Variants in SYNPR observed in about 807,000 individuals in gnomAD.
SYNPR encodes the protein synaptoporin.
SYNPR carries 23 observed loss-of-function variants against 32.9 expected under a neutral mutation model. The observed-to-expected ratio is 0.70, with a 90% CI of 0.50 to 0.99. The LOEUF (loss-of-function observed/expected upper bound fraction) is 0.99, where lower values mean the gene tolerates loss of function less well. Ranked by LOEUF, SYNPR falls within the 50% of genes least tolerant of loss-of-function variation. SYNPR has a pLI of 0.00. For missense variants in SYNPR, 318 were observed against 349.3 expected (o/e 0.91, Z 0.71); for synonymous variants, 146 against 135.9 (o/e 1.07, Z -0.52).
chr3:63,427,072 A>C (rs973371915), intron 2 of SYNPR, among the ~76,000 whole-genome samples: 3 of 152,036 alleles, frequency 2.0e-5, no homozygotes, highest in Non-Finnish European at 4.4e-5. Flanking sequence ...TAAAATTCAA[A>C]CTTGGAAGAC....
At chr3:63,552,042 T>G (rs927800168) in intron 3 of SYNPR, among the ~76,000 whole-genome samples, 2 of 151,730 alleles carry the variant, frequency 1.3e-5, no homozygotes, top group Non-Finnish European at 2.9e-5. Flanking sequence ...GGATTACAGG[T>G]GCCCGCCACC....
chr3:63,449,937 T>A (rs1442072676), intron 2 of SYNPR, among the ~76,000 whole-genome samples: 1 of 152,006 alleles, frequency 6.6e-6, no homozygotes, highest in Non-Finnish European at 1.5e-5. Flanking sequence ...TAATAAAGGA[T>A]AGAACCTGGA....
At chr3:63,549,766 T>C (rs183201310) in intron 3 of SYNPR, among the ~76,000 whole-genome samples, 1 of 152,310 alleles carries the variant, frequency 6.6e-6, no homozygotes, top group East Asian at 1.9e-4. Flanking sequence ...AATATTTTCT[T>C]TAACCCAATT....
At chr3:63,329,614 T>A (rs1357989721) in intron 2 of SYNPR, among the ~76,000 whole-genome samples, 1 of 152,198 alleles carries the variant, frequency 6.6e-6, no homozygotes, top group Non-Finnish European at 1.5e-5. Context: ...GCCATACGTC[T>A]TAAGACTATT....
chr3:63,254,843 G>A (rs1411446842), intron 2 of SYNPR, among the ~76,000 whole-genome samples: 1 of 152,112 alleles, frequency 6.6e-6, no homozygotes, highest in Admixed American at 6.6e-5. Flanking sequence ...AAGCATTAGG[G>A]TGGGCCCTAA....
intron 3 of SYNPR, among the ~76,000 whole-genome samples, chr3:63,502,399 A>G (rs985618151): frequency 5.3e-5 from 8 of 152,030 alleles, no homozygotes; most frequent in South Asian, 2.1e-4. Flanking sequence ...ACACATCATT[A>G]TCATCCAAAG....
chr3:63,540,917 C>CACACAT (rs1372340709), intron 3 of SYNPR, among the ~76,000 whole-genome samples: 2 of 106,392 alleles, frequency 1.9e-5, no homozygotes, highest in Non-Finnish European at 4.0e-5. Flanking sequence ...CACACACACA[C>CACACAT]AATCCCCCCC....
intron 2 of SYNPR, among the ~76,000 whole-genome samples, chr3:63,291,139 T>TCAAC (rs2086734608): frequency 6.6e-6 from 1 of 152,196 alleles, no homozygotes; most frequent in South Asian, 2.1e-4. Flanking sequence ...AAGCTAAGTC[T>TCAAC]CAACCACAGA....
At chr3:63,366,829 G>GTT (rs2087733900) in intron 2 of SYNPR, among the ~76,000 whole-genome samples, 1 of 152,174 alleles carries the variant, frequency 6.6e-6, no homozygotes, top group African/African-American at 2.4e-5. Flanking sequence ...CCATTGAATG[G>GTT]TTAAGAAACT....
chr3:63,596,034 G>A (rs913435810), intron 4 of SYNPR, among the ~76,000 whole-genome samples: 1 of 145,336 alleles, frequency 6.9e-6, no homozygotes, highest in Non-Finnish European at 1.5e-5. Context: ...TAGGGTACAT[G>A]TGCACAATGT....
At chr3:63,222,816 C>G in the SYNPR span, among the ~76,000 whole-genome samples, 5 of 152,176 alleles carry the variant, frequency 3.3e-5, no homozygotes, top group African/African-American at 1.2e-4. Flanking sequence ...CGTGCCCTGT[C>G]TGAGAAAAAC....
chr3:63,325,135 T>C lies in SYNPR; in HGVS notation c.84+46393T>C, dbSNP rs945662692. Among the ~76,000 whole-genome samples the C allele has an allele frequency of 2.6e-5, 4 of 152,102 alleles. No individual in the cohort carries two copies. In the East Asian group the frequency reaches 5.8e-4, roughly 22 times the overall value. ...TAGAAGCTGAAAAATTCTCTGCTAG[T>C]ATAGTATTAGTAGAAATTATTTATA... is the stretch of plus-strand genomic sequence containing the variant. On this transcript the variant is annotated intron_variant, in intron 2 of 5. Coordinates refer to ENST00000478300, the MANE Select transcript of SYNPR (RefSeq NM_001130003.2).
chr3:63,574,828 G>A (rs780423862), intron 4 of SYNPR, among the ~76,000 whole-genome samples: 7 of 152,156 alleles, frequency 4.6e-5, no homozygotes, highest in Admixed American at 2.0e-4. Context: ...GAGATAGATA[G>A]ATAAGCAGGC....
intron 2 of SYNPR, among the ~76,000 whole-genome samples, chr3:63,401,753 G>T (rs1228652642): frequency 6.6e-6 from 1 of 152,168 alleles, no homozygotes; most frequent in Non-Finnish European, 1.5e-5. Flanking sequence ...ATCACTAGTT[G>T]ATTGTACTTT....
intron 5 of SYNPR, among the ~76,000 whole-genome samples, chr3:63,612,300 A>C (rs1214024650): frequency 6.6e-6 from 1 of 152,234 alleles, no homozygotes; most frequent in Non-Finnish European, 1.5e-5. Context: ...GGCTACTAAA[A>C]TACGGTCATT....
At chr3:63,570,557 C>T (rs895400113) in intron 4 of SYNPR, among the ~76,000 whole-genome samples, 3 of 152,098 alleles carry the variant, frequency 2.0e-5, no homozygotes, top group Non-Finnish European at 4.4e-5. Context: ...CCTGGAAGGT[C>T]CTCCTCCCTT....
intron 3 of SYNPR, among the ~76,000 whole-genome samples, chr3:63,511,925 A>G (rs181907288): frequency 4.1e-4 from 62 of 152,274 alleles, no homozygotes; most frequent in African/African-American, 1.3e-3. Flanking sequence ...TTCAAAGAAT[A>G]CAGATGTATT....
At chr3:63,346,769 C>T (rs1488638631) in intron 2 of SYNPR, among the ~76,000 whole-genome samples, 1 of 152,180 alleles carries the variant, frequency 6.6e-6, no homozygotes, top group Non-Finnish European at 1.5e-5. Flanking sequence ...CCACACCCAG[C>T]TAATTTATTT....
chr3:63,522,496 T>C (rs904550310), intron 3 of SYNPR, among the ~76,000 whole-genome samples: 1 of 152,234 alleles, frequency 6.6e-6, no homozygotes, highest in Non-Finnish European at 1.5e-5. Flanking sequence ...CATATAATGA[T>C]TGTTACTAAT....
Sources: gnomAD v4.1 joint callset for allele counts (sites outside exome capture counted in the v4.1 genomes callset) on GRCh38, gnomAD v4.1.1 for gene constraint, MANE v1.5 for transcripts, NCBI Gene and HGNC (gene_info 2026-07-23, HGNC 2026-07-21) for gene names.